The following SFMBT2 variants were observed in gnomAD, a reference collection of about 807,000 sequenced individuals.
SFMBT2 encodes scm-like with four MBT domains protein 2.
A neutral mutation model predicts 110.1 loss-of-function variants in SFMBT2; 38 were observed. The observed-to-expected ratio is 0.35, with a 90% CI of 0.27 to 0.45. The LOEUF is 0.45. SFMBT2 is among the 20% of genes least tolerant of loss of function. The probability of loss-of-function intolerance (pLI) is 1.00; values close to 1 mark genes in which losing one functional copy is unlikely to be tolerated. For missense variants in SFMBT2, 1,011 were observed against 1,094.9 expected (o/e 0.92, Z 1.08); for synonymous variants, 425 against 425.4 (o/e 1.00, Z 0.01).
chr10:7,274,322 C>T (rs1841698484), intron 7 of SFMBT2, among the ~76,000 whole-genome samples: 1 of 152,116 alleles, frequency 6.6e-6, no homozygotes, highest in Non-Finnish European at 1.5e-5. Context: ...CCCATCTGTA[C>T]AGAAACAAAA....
chr10:7,310,857 C>T (rs998191639), intron 4 of SFMBT2, among the ~76,000 whole-genome samples: 1 of 152,150 alleles, frequency 6.6e-6, no homozygotes, highest in Admixed American at 6.5e-5. Flanking sequence ...ACCAGCCTGG[C>T]CAACCTGGTG....
chr10:7,237,047 T>C (rs1157285996), intron 9 of SFMBT2, among the ~76,000 whole-genome samples: 1 of 152,206 alleles, frequency 6.6e-6, no homozygotes, highest in Admixed American at 6.5e-5. Flanking sequence ...AGAGGGGCCA[T>C]GCTTAATCCT....
intron 8 of SFMBT2, among the ~76,000 whole-genome samples, chr10:7,246,538 G>T (rs901874965): frequency 1.3e-5 from 2 of 151,890 alleles, no homozygotes; most frequent in Non-Finnish European, 2.9e-5. Context: ...GGTCAAGACG[G>T]TGAAACCCCA....
intron 4 of SFMBT2, among the ~76,000 whole-genome samples, chr10:7,314,973 AGAGG>A (rs1301280502): frequency 6.7e-5 from 10 of 148,994 alleles, no homozygotes; most frequent in Non-Finnish European, 1.2e-4. Flanking sequence ...AGAGAGAGAG[AGAGG>A]GAGAAAGAGA....
At chr10:7,394,339 A>T (rs578117720) in intron 1 of SFMBT2, among the ~76,000 whole-genome samples, 1 of 151,612 alleles carries the variant, frequency 6.6e-6, no homozygotes, top group African/African-American at 2.4e-5. Flanking sequence ...TAAAAATCAA[A>T]CCCAGTCATC....
chr10:7,393,083 A>C (rs1845827593), intron 1 of SFMBT2, among the ~76,000 whole-genome samples: 1 of 140,738 alleles, frequency 7.1e-6, no homozygotes, highest in Non-Finnish European at 1.5e-5. Flanking sequence ...CCCAGGCTGG[A>C]ATGCAGTGGT....
At chr10:7,363,158 C>T (rs530375077) in intron 4 of SFMBT2, among the ~76,000 whole-genome samples, 52 of 152,188 alleles carry the variant, frequency 3.4e-4, no homozygotes, top group Middle Eastern at 3.4e-3. Context: ...AATCATGGGG[C>T]GGGTTTTTCC....
intron 7 of SFMBT2, among the ~76,000 whole-genome samples, chr10:7,256,567 T>C (rs537705121): frequency 6.6e-6 from 1 of 152,358 alleles, no homozygotes; most frequent in Non-Finnish European, 1.5e-5. Flanking sequence ...ATGACTACTT[T>C]TGTGTGTTTA....
chr10:7,201,441 G>A (rs192170793), intron 13 of SFMBT2, among the ~76,000 whole-genome samples: 60 of 152,262 alleles, frequency 3.9e-4, no homozygotes, highest in Non-Finnish European at 5.7e-4. Context: ...TCACAGGCGT[G>A]TTATGAAATC....
intron 16 of SFMBT2, among the ~76,000 whole-genome samples, chr10:7,185,768 G>A (rs567111490): frequency 1.4e-4 from 22 of 152,170 alleles, no homozygotes; most frequent in Admixed American, 3.3e-4. Context: ...CCCTCAAGAA[G>A]ATTCTGTAAC....
intron 11 of SFMBT2, chr10:7,215,467 G>A: frequency 1.3e-6 from 1 of 761,590 alleles, no homozygotes; most frequent in Non-Finnish European, 1.6e-6. Flanking sequence ...TGTTTTAGGG[G>A]ATCTCCATAG....
chr10:7,223,866 A>C (rs1450835940), intron 10 of SFMBT2, among the ~76,000 whole-genome samples: 1 of 152,186 alleles, frequency 6.6e-6, no homozygotes, highest in African/African-American at 2.4e-5. Context: ...TGTATTTCTG[A>C]AAAGTGCCCA....
At chr10:7,262,309 G>A (rs1441604578) in intron 7 of SFMBT2, among the ~76,000 whole-genome samples, 1 of 152,108 alleles carries the variant, frequency 6.6e-6, no homozygotes, top group African/African-American at 2.4e-5. Context: ...AAGATCTTCT[G>A]TAGATAAAAG....
chr10:7,261,576 T>C (rs1039951426), intron 7 of SFMBT2, among the ~76,000 whole-genome samples: 3 of 152,160 alleles, frequency 2.0e-5, no homozygotes, highest in Non-Finnish European at 4.4e-5. Context: ...TGGATTTACT[T>C]TTAGGAGAAT....
intron 3 of SFMBT2, among the ~76,000 whole-genome samples, chr10:7,369,680 G>A (rs7099499): frequency 0.77 from 117,207 of 152,078 alleles, 46,520 homozygotes; most frequent in East Asian, 1. Context: ...ATTAATTGAA[G>A]CTGAAAACAT....
At chr10:7,365,336 C>T (rs558013634) in intron 4 of SFMBT2, among the ~76,000 whole-genome samples, 71 of 152,326 alleles carry the variant, frequency 4.7e-4, no homozygotes, top group Non-Finnish European at 1.0e-3. Flanking sequence ...TTCCTCCTTT[C>T]GTAACAATGA....
At chr10:7,237,990 T>C (rs1840309979) in intron 9 of SFMBT2, among the ~76,000 whole-genome samples, 1 of 152,074 alleles carries the variant, frequency 6.6e-6, no homozygotes, top group Non-Finnish European at 1.5e-5. Flanking sequence ...TGGGACAGAC[T>C]GAGTGGGGAG....
chr10:7,228,672 CTTCT>C (rs60421208), intron 9 of SFMBT2, among the ~76,000 whole-genome samples: 17,299 of 85,362 alleles, frequency 0.2, 2,955 homozygotes, highest in Middle Eastern at 0.25. Flanking sequence ...ACTAAAGTGG[CTTCT>C]TTCTTTCTTT....
intron 4 of SFMBT2, chr10:7,320,556 G>A: frequency 1.0e-6 from 1 of 976,210 alleles, no homozygotes; most frequent in Non-Finnish European, 1.2e-6. Flanking sequence ...TAGGAAGTAA[G>A]ATCAACAATT....
Sources: allele counts gnomAD v4.1 joint callset (sites outside exome capture counted in the v4.1 genomes callset), GRCh38; gene constraint gnomAD v4.1.1; transcripts MANE v1.5; gene names NCBI Gene and HGNC (gene_info 2026-07-23, HGNC 2026-07-21).